Variants in KCNAB1 observed in about 807,000 individuals in gnomAD.
KCNAB1 encodes potassium voltage-gated channel subfamily A regulatory beta subunit 1.
Under a neutral mutation model 64.6 loss-of-function variants are expected in KCNAB1, and 35 were observed. The observed-to-expected ratio is 0.54, with a 90% CI of 0.41 to 0.72. The LOEUF (loss-of-function observed/expected upper bound fraction) is 0.72, where lower values mean the gene tolerates loss of function less well. KCNAB1 is among the 30% of genes least tolerant of loss of function. The pLI is 0.00. For synonymous variants in KCNAB1, 177 were observed against 183.8 expected (o/e 0.96, Z 0.30); for missense variants, 401 against 512.9 (o/e 0.78, Z 2.11).
rs957194096 is a variant in KCNAB1 at position 156,436,034 on chromosome 3, G to A, written c.319+14375G>A. Among the ~76,000 whole-genome samples the A allele has an allele frequency of 2.1e-4, 32 of 151,972 alleles. 1 individual carries two copies. Among genetic ancestry groups the A allele is most frequent in the African/African-American group, 7.3e-4 (30 of 41,370 alleles). ...ACTCATCATCTAAGTATTAAGCCCC[G>A]CATGCATTAGCTATTTTTCCTGATG... On this transcript the variant is annotated intron_variant, in intron 2 of 13. Coordinates refer to ENST00000490337, the MANE Select transcript of KCNAB1 (RefSeq NM_172160.3).
At chr3:156,518,675 G>C (rs749501050) in intron 11 of KCNAB1, among the ~76,000 whole-genome samples, 12 of 152,128 alleles carry the variant, frequency 7.9e-5, no homozygotes, top group Non-Finnish European at 1.5e-4. Context: ...GCAATTGAAG[G>C]ATAAATTAAC....
At chr3:156,354,244 A>T (rs1298773835) in intron 1 of KCNAB1, among the ~76,000 whole-genome samples, 1 of 148,282 alleles carries the variant, frequency 6.7e-6, no homozygotes, top group Non-Finnish European at 1.5e-5. Flanking sequence ...CTCACCGCAA[A>T]CTCTGCCTCC....
chr3:156,290,748 C>T (rs1377716519), intron 1 of KCNAB1, among the ~76,000 whole-genome samples: 1 of 152,212 alleles, frequency 6.6e-6, no homozygotes, highest in East Asian at 1.9e-4. Context: ...GTGCATCCCC[C>T]TCCTGAGTGG....
At chr3:156,309,648 T>C (rs536759965) in intron 1 of KCNAB1, among the ~76,000 whole-genome samples, 1 of 152,328 alleles carries the variant, frequency 6.6e-6, no homozygotes, top group South Asian at 2.1e-4. Context: ...TAAAATAATA[T>C]ATCAAACGGA....
intron 1 of KCNAB1, among the ~76,000 whole-genome samples, chr3:156,274,372 C>T (rs1719215100): frequency 6.6e-6 from 1 of 152,164 alleles, no homozygotes; most frequent in African/African-American, 2.4e-5. Flanking sequence ...GAGAAATTAC[C>T]TATGCTTTCT....
chr3:156,488,067 A>G (rs187882819), intron 8 of KCNAB1, among the ~76,000 whole-genome samples: 1 of 152,104 alleles, frequency 6.6e-6, no homozygotes, highest in African/African-American at 2.4e-5. Context: ...AGAACATGAC[A>G]TAGTATAAAC....
chr3:156,238,487 T>G (rs866807167), intron 1 of KCNAB1, among the ~76,000 whole-genome samples: 1 of 152,044 alleles, frequency 6.6e-6, no homozygotes, highest in South Asian at 2.1e-4. Context: ...AGGCACTGTT[T>G]GGACCCTAAC....
At chr3:156,237,758 A>G (rs1322365374) in intron 1 of KCNAB1, among the ~76,000 whole-genome samples, 3 of 152,096 alleles carry the variant, frequency 2.0e-5, no homozygotes, top group East Asian at 1.9e-4. Context: ...TGACCCCTCA[A>G]TCTAAAGCTT....
chr3:156,218,152 T>C (rs1715437826), intron 1 of KCNAB1: 1 of 152,228 alleles, frequency 6.6e-6, no homozygotes. Context: ...TGTGGGGACA[T>C]GGTGGGAATG....
intron 8 of KCNAB1, 151 bp downstream of exon 8, chr3:156,474,971 G>A (rs1170948912): frequency 1.6e-6 from 1 of 618,272 alleles, no homozygotes; most frequent in Non-Finnish European, 2.8e-6. Flanking sequence ...TGGCCTCAGC[G>A]TTTAACCCCA....
intron 1 of KCNAB1, among the ~76,000 whole-genome samples, chr3:156,148,272 GTTAT>G (rs1028972180): frequency 2.0e-5 from 3 of 152,236 alleles, no homozygotes; most frequent in African/African-American, 7.2e-5. Flanking sequence ...TAGATTGTTA[GTTAT>G]TTGTGTGTGT....
At chr3:156,392,322 C>T (rs1397268665) in intron 1 of KCNAB1, among the ~76,000 whole-genome samples, 1 of 152,180 alleles carries the variant, frequency 6.6e-6, no homozygotes, top group East Asian at 1.9e-4. Context: ...ATAAATTATT[C>T]CTCCCAAAAT....
intron 1 of KCNAB1, among the ~76,000 whole-genome samples, chr3:156,250,949 C>T (rs1259562396): frequency 6.6e-6 from 1 of 151,994 alleles, no homozygotes; most frequent in East Asian, 1.9e-4. Flanking sequence ...ATATTTTTTT[C>T]TTTTATCTGC....
intron 1 of KCNAB1, among the ~76,000 whole-genome samples, chr3:156,317,343 T>C (rs890818199): frequency 3.9e-5 from 6 of 152,228 alleles, no homozygotes; most frequent in African/African-American, 1.4e-4. Context: ...ATTTTCAAGC[T>C]TTTATAACTT....
At position 156,434,056 on chromosome 3, in the gene KCNAB1, G is replaced by A. The variant is rs1457935315; in HGVS notation, c.319+12397G>A. On this transcript the variant is annotated intron_variant, in intron 2 of 13. Coordinates refer to ENST00000490337, the MANE Select transcript of KCNAB1 (RefSeq NM_172160.3). ...TACATTTCAGGAAGAGGAGCAGCTT[G>A]GAAGCCTCAATTAGCATGGCCTGGA... 3.3e-5 allele frequency among the ~76,000 whole-genome samples: 5 copies of A among 152,272 alleles called. No homozygotes were observed. The East Asian group carries it at 7.7e-4, about 23-fold the overall frequency.
chr3:156,233,734 G>C (rs967761258), intron 1 of KCNAB1, among the ~76,000 whole-genome samples: 2 of 152,034 alleles, frequency 1.3e-5, no homozygotes, highest in African/African-American at 4.8e-5. Context: ...GGAGTGGTCA[G>C]GCTCTGGATC....
chr3:156,300,878 T>C (rs1333476721), intron 1 of KCNAB1, among the ~76,000 whole-genome samples: 1 of 152,242 alleles, frequency 6.6e-6, no homozygotes, highest in Non-Finnish European at 1.5e-5. Flanking sequence ...CAACTTGTAC[T>C]GTGATTAATT....
intron 1 of KCNAB1, among the ~76,000 whole-genome samples, chr3:156,300,667 T>C (rs1037565682): frequency 6.6e-6 from 1 of 152,310 alleles, no homozygotes; most frequent in East Asian, 1.9e-4. Context: ...AAACAATTTC[T>C]GTAAAACATT....
intron 1 of KCNAB1, among the ~76,000 whole-genome samples, chr3:156,263,029 T>C (rs1055755943): frequency 2.0e-5 from 3 of 151,914 alleles, no homozygotes; most frequent in African/African-American, 7.2e-5. Context: ...GGGTAATTTG[T>C]TTTCAGTCAG....
Sources: gnomAD v4.1 joint callset for allele counts (sites outside exome capture counted in the v4.1 genomes callset) on GRCh38, gnomAD v4.1.1 for gene constraint, MANE v1.5 for transcripts, NCBI Gene and HGNC (gene_info 2026-07-23, HGNC 2026-07-21) for gene names.